The following TUBB8 variants were observed in gnomAD, a reference collection of about 807,000 sequenced individuals.
TUBB8 encodes the protein tubulin beta 8 class VIII.
In TUBB8, 25 loss-of-function variants were observed where a neutral mutation model predicts 33.7. The observed-to-expected ratio is 0.74, with a 90% CI of 0.54 to 1.04. TUBB8 has a LOEUF of 1.04. Among genes scored for constraint, TUBB8 ranks in the 50% least tolerant of loss-of-function variants. The pLI is 0.00. For synonymous variants in TUBB8, 245 were observed against 240.1 expected, an observed-to-expected ratio of 1.02 and a Z score of -0.19; for missense variants, 279 against 608.0, an observed-to-expected ratio of 0.46 and a Z score of 5.69.
At position 48,697 on chromosome 10, in the gene TUBB8, G is replaced by A. The variant is rs1231828727; in HGVS notation, c.195C>T (p.Leu65=). The A allele has an allele frequency of 1.2e-6, 2 of 1,612,072 alleles. No homozygotes were observed. The change falls in exon 3 of 4, where the codon CTC becomes CTT. Residue 65 remains leucine, a synonymous_variant. Coordinates refer to ENST00000568584, the MANE Select transcript of TUBB8 (RefSeq NM_177987.3). ...CCATGGTGCCCGGCTCCAGATCCACGAGCACAGCGCGGGGCACGTACCTGC... is the reference window on the plus strand; with the variant it reads ...CCATGGTGCCCGGCTCCAGATCCACAAGCACAGCGCGGGGCACGTACCTGC... The part of the protein sequence containing the change: ...SGGRYVPRAV[L]VDLEPGTMDS...
intron 1 of TUBB8, among the ~76,000 whole-genome samples, chr10:63,122 G>A (rs1490874624): frequency 1.3e-5 from 2 of 151,318 alleles, no homozygotes; most frequent in Non-Finnish European, 2.9e-5. Flanking sequence ...AGCCCAGGCT[G>A]GAGTGCAATG....
upstream of TUBB8, among the ~76,000 whole-genome samples, chr10:52,786 A>G (rs148737277): frequency 9.2e-3 from 1,404 of 152,336 alleles, 16 homozygotes; most frequent in African/African-American, 0.032. Context: ...GGCTATTTTC[A>G]GACCATAGGT....
intron 1 of TUBB8, among the ~76,000 whole-genome samples, chr10:66,141 T>C (rs1171566162): frequency 1.2e-4 from 18 of 151,966 alleles, no homozygotes; most frequent in African/African-American, 4.4e-4. Flanking sequence ...CCACAACAAA[T>C]AGGAGAGAAA....
chr10:63,419 G>A (rs1360552304), intron 1 of TUBB8, among the ~76,000 whole-genome samples: 2 of 152,134 alleles, frequency 1.3e-5, no homozygotes, highest in African/African-American at 4.8e-5. Context: ...ACCTCTTTAA[G>A]GCCAATAACT....
At chr10:55,624 T>G (rs2130938756) in intron 1 of TUBB8, among the ~76,000 whole-genome samples, 1 of 152,358 alleles carries the variant, frequency 6.6e-6, no homozygotes, top group East Asian at 1.9e-4. Context: ...TTTGAGGTGT[T>G]AGGTTTAAGT....
intron 1 of TUBB8, among the ~76,000 whole-genome samples, chr10:62,765 T>C (rs1411824596): frequency 1.3e-5 from 2 of 152,284 alleles, no homozygotes; most frequent in Non-Finnish European, 2.9e-5. Context: ...AATACATTAT[T>C]CTAAAGTAAA....
At chr10:61,557 A>T (rs1834601869) in intron 1 of TUBB8, among the ~76,000 whole-genome samples, 2 of 152,242 alleles carry the variant, frequency 1.3e-5, no homozygotes, top group South Asian at 4.1e-4. Flanking sequence ...ATGTGCAGAG[A>T]AGAATGTGTA....
At position 68,481 on chromosome 10, in the gene TUBB8, C is replaced by T. The variant is rs533114424; in HGVS notation, c.-846+5488G>A. On this transcript the variant is annotated intron_variant, in intron 1 of 3. Transcript: ENST00000564130. ...GCAATACTGATACAGCATCCAGACTCTCACCGGGGTGCTTGGTACACAGCT... is the reference window on the plus strand; with the variant it reads ...GCAATACTGATACAGCATCCAGACTTTCACCGGGGTGCTTGGTACACAGCT... 2.0e-5 allele frequency among the ~76,000 whole-genome samples: 3 copies of T among 152,352 alleles called. No homozygotes were observed. The South Asian group carries it at 6.2e-4, about 32-fold the overall frequency.
chr10:71,110 G>C (rs1285284942), intron 1 of TUBB8, among the ~76,000 whole-genome samples: 3 of 152,080 alleles, frequency 2.0e-5, no homozygotes, highest in Non-Finnish European at 4.4e-5. Context: ...TAAGGAGTTT[G>C]AGACCAGCCT....
intron 1 of TUBB8, among the ~76,000 whole-genome samples, chr10:62,868 G>A (rs1834621238): frequency 6.6e-6 from 1 of 152,296 alleles, no homozygotes; most frequent in African/African-American, 2.4e-5. Flanking sequence ...ATGTATTGGA[G>A]TTCCACTGAA....
upstream of TUBB8, among the ~76,000 whole-genome samples, chr10:51,996 C>T (rs184972196): frequency 3.6e-3 from 549 of 152,316 alleles, 3 homozygotes; most frequent in African/African-American, 0.011. Flanking sequence ...ATATGCAGAG[C>T]ACTCAGGTGA....
exon 1 of TUBB8, chr10:74,102 C>G (rs1588283269): frequency 6.6e-6 from 1 of 150,674 alleles, no homozygotes; most frequent in Non-Finnish European, 1.5e-5. Flanking sequence ...GGTGGACCCC[C>G]CGTCCTCACA....
At chr10:74,625 C>CAAAAAAAA (rs35723619), upstream of TUBB8, among the ~76,000 whole-genome samples, 25 of 89,660 alleles carry the variant, frequency 2.8e-4, no homozygotes, top group East Asian at 6.7e-4. Flanking sequence ...GACTCAGTAT[C>CAAAAAAAA]AAAAAAAAAA....
chr10:53,742 T>A (rs551319870), upstream of TUBB8, among the ~76,000 whole-genome samples: 170 of 152,386 alleles, frequency 1.1e-3, no homozygotes, highest in African/African-American at 3.6e-3. Flanking sequence ...TCTTCTTTTT[T>A]CCACTTATAA....
chr10:50,284 A>G (rs563037932), upstream of TUBB8: 1 of 152,332 alleles, frequency 6.6e-6, no homozygotes, highest in African/African-American at 2.4e-5. Context: ...TCTAGGGTGA[A>G]AAGAATCATG....
At chr10:51,920 G>A (rs1247411826), upstream of TUBB8, among the ~76,000 whole-genome samples, 10 of 152,182 alleles carry the variant, frequency 6.6e-5, no homozygotes, top group Admixed American at 3.3e-4. Context: ...TAAACTGTTT[G>A]GGGCCTCTTT....
chr10:51,877 A>G (rs1380515960), upstream of TUBB8, among the ~76,000 whole-genome samples: 2 of 152,208 alleles, frequency 1.3e-5, no homozygotes, highest in Non-Finnish European at 2.9e-5. Context: ...CATCAAGGCT[A>G]AAAGTCAGAG....
At chr10:56,128 C>T (rs1273725060) in intron 1 of TUBB8, among the ~76,000 whole-genome samples, 2 of 152,224 alleles carry the variant, frequency 1.3e-5, no homozygotes, top group African/African-American at 4.8e-5. Flanking sequence ...ATAGATATAA[C>T]TTTCCATTTT....
upstream of TUBB8, among the ~76,000 whole-genome samples, chr10:74,763 C>T (rs1479273184): frequency 6.6e-6 from 1 of 151,844 alleles, no homozygotes; most frequent in Non-Finnish European, 1.5e-5. Flanking sequence ...CAGTGGCTCA[C>T]GCCTGTAATC....
Sources: allele counts gnomAD v4.1 joint callset (sites outside exome capture counted in the v4.1 genomes callset), GRCh38; gene constraint gnomAD v4.1.1; transcripts MANE v1.5; gene names NCBI Gene and HGNC (gene_info 2026-07-23, HGNC 2026-07-21).